SGIP1: variants seen among roughly 807,000 people sequenced by gnomAD.
SGIP1 encodes the protein SH3GL interacting endocytic adaptor 1.
In SGIP1, 38 loss-of-function variants were observed where a neutral mutation model predicts 107.5. The observed-to-expected ratio is 0.35, with a 90% CI of 0.27 to 0.46. The LOEUF is 0.46. Among genes scored for constraint, SGIP1 ranks in the 20% least tolerant of loss-of-function variants. The probability of loss-of-function intolerance (pLI) is 1.00; values close to 1 mark genes in which losing one functional copy is unlikely to be tolerated. For missense variants in SGIP1, 929 were observed against 1,019.5 expected (o/e 0.91, Z 1.21); for synonymous variants, 365 against 366.1 (o/e 1.00, Z 0.03).
At chr1:66,726,741 G>T (rs1195233285) in intron 19 of SGIP1, among the ~76,000 whole-genome samples, 1 of 152,182 alleles carries the variant, frequency 6.6e-6, no homozygotes, top group Non-Finnish European at 1.5e-5. Context: ...TACATTGTAA[G>T]ACTAAAATAG....
At chr1:66,694,385 G>T in intron 17 of SGIP1, 3 of 1,496,686 alleles carry the variant, frequency 2.0e-6, no homozygotes, top group South Asian at 1.2e-5. Flanking sequence ...ATTTCATTTG[G>T]GATTTGTATT....
chr1:66,713,632 T>C (rs138855008), intron 18 of SGIP1, among the ~76,000 whole-genome samples: 24 of 152,234 alleles, frequency 1.6e-4, no homozygotes, highest in Admixed American at 8.5e-4. Context: ...GTTAATATTA[T>C]AATCCCCTTT....
rs527949565 is a variant in SGIP1 at position 66,749,648 on chromosome 1, T to C, written c.*6553T>C. ...ATCCAGAGTTTGTGAATCAGCCTGATAGATCATAAGCCATTTATAATTTTT... is the reference window on the plus strand; with the variant it reads ...ATCCAGAGTTTGTGAATCAGCCTGACAGATCATAAGCCATTTATAATTTTT... On this transcript the variant is annotated 3_prime_UTR_variant, in exon 25 of 25. Coordinates refer to ENST00000371037, the MANE Select transcript of SGIP1 (RefSeq NM_032291.4). Among the ~76,000 whole-genome samples the C allele has an allele frequency of 1.3e-3, 191 of 152,222 alleles. 1 individual carries two copies. The highest frequency in any genetic ancestry group is 4.5e-3 in the African/African-American group (188 of 41,570).
chr1:66,601,312 C>A (rs1192017257), intron 1 of SGIP1, among the ~76,000 whole-genome samples: 2 of 152,096 alleles, frequency 1.3e-5, no homozygotes, highest in African/African-American at 2.4e-5. Context: ...TTGCAGTGAG[C>A]CGAGATCGCG....
At chr1:66,684,221 GTGT>G in intron 15 of SGIP1, 1 of 1,550,330 alleles carries the variant, frequency 6.5e-7, no homozygotes, top group South Asian at 1.2e-5. Context: ...TTGTTAACCA[GTGT>G]GCTCTCCAGG....
At chr1:66,659,045 C>T (rs955539867) in intron 7 of SGIP1, among the ~76,000 whole-genome samples, 8 of 151,950 alleles carry the variant, frequency 5.3e-5, no homozygotes, top group African/African-American at 1.9e-4. Context: ...CAACGGAGGA[C>T]GATGAGGATG....
At chr1:66,624,209 C>A (rs923063185) in intron 1 of SGIP1, among the ~76,000 whole-genome samples, 1 of 151,952 alleles carries the variant, frequency 6.6e-6, no homozygotes, top group African/African-American at 2.4e-5. Flanking sequence ...CAAAGAGAAG[C>A]CAATTAGGAG....
intron 2 of SGIP1, 193 bp downstream of exon 2, chr1:66,626,103 A>G (rs926890514): frequency 3.2e-6 from 1 of 316,658 alleles, no homozygotes; most frequent in Non-Finnish European, 5.6e-6. Context: ...ATTTTTCATC[A>G]TGTGTTCAGT....
intron 1 of SGIP1, among the ~76,000 whole-genome samples, chr1:66,606,278 A>C (rs934545300): frequency 6.6e-6 from 1 of 152,244 alleles, no homozygotes; most frequent in Admixed American, 6.5e-5. Flanking sequence ...AGGATTAAAC[A>C]AGACAAGGTA....
At chr1:66,578,574 A>G (rs552886288) in intron 1 of SGIP1, among the ~76,000 whole-genome samples, 4 of 152,328 alleles carry the variant, frequency 2.6e-5, no homozygotes, top group African/African-American at 7.2e-5. Context: ...CAAAGACATT[A>G]ACTGACTTAC....
At chr1:66,585,829 A>C (rs2062526901) in intron 1 of SGIP1, among the ~76,000 whole-genome samples, 1 of 152,068 alleles carries the variant, frequency 6.6e-6, no homozygotes, top group Non-Finnish European at 1.5e-5. Context: ...GTGAATACCA[A>C]GTTCCATGCT....
chr1:66,559,903 A>C (rs973004098), intron 1 of SGIP1, among the ~76,000 whole-genome samples: 4 of 152,062 alleles, frequency 2.6e-5, no homozygotes, highest in African/African-American at 7.2e-5. Context: ...TGTCCCTTTA[A>C]ACAAGTAAAT....
intron 1 of SGIP1, among the ~76,000 whole-genome samples, chr1:66,611,949 C>A (rs4655499): frequency 0.15 from 22,398 of 152,062 alleles, 2,175 homozygotes; most frequent in East Asian, 0.46. Flanking sequence ...ATCTTAGAGT[C>A]AGTATTATTC....
At chr1:66,695,514 C>T in intron 18 of SGIP1, 21 bp downstream of exon 18, 1 of 1,610,118 alleles carries the variant, frequency 6.2e-7, no homozygotes, top group Non-Finnish European at 8.5e-7. Flanking sequence ...CATAGCATAC[C>T]AGATTCTAAT....
intron 1 of SGIP1, among the ~76,000 whole-genome samples, chr1:66,553,143 G>A (rs552131831): frequency 1.3e-5 from 2 of 152,256 alleles, no homozygotes; most frequent in African/African-American, 4.8e-5. Flanking sequence ...AGTCTTCAGC[G>A]GGTAGGCAGA....
At chr1:66,585,695 G>A (rs540518069) in intron 1 of SGIP1, among the ~76,000 whole-genome samples, 1 of 151,952 alleles carries the variant, frequency 6.6e-6, no homozygotes, top group East Asian at 1.9e-4. Context: ...TCGTCGTGTT[G>A]GCGAGGCTGG....
At chr1:66,705,958 A>C (rs1383840827) in intron 18 of SGIP1, among the ~76,000 whole-genome samples, 1 of 152,114 alleles carries the variant, frequency 6.6e-6, no homozygotes, top group Non-Finnish European at 1.5e-5. Flanking sequence ...TGACGGGTGC[A>C]GCAAACCACC....
At chr1:66,673,732 G>A (rs1347502519) in intron 12 of SGIP1, among the ~76,000 whole-genome samples, 5 of 152,136 alleles carry the variant, frequency 3.3e-5, no homozygotes, top group African/African-American at 7.2e-5. Flanking sequence ...TCATACATCC[G>A]TCATTGTCGC....
intron 5 of SGIP1, among the ~76,000 whole-genome samples, chr1:66,642,487 A>G (rs2076968600): frequency 6.6e-6 from 1 of 152,296 alleles, no homozygotes; most frequent in Admixed American, 6.5e-5. Context: ...AATTTCCCTG[A>G]GGACAAATAA....
Sources: allele counts gnomAD v4.1 joint callset (sites outside exome capture counted in the v4.1 genomes callset), GRCh38; gene constraint gnomAD v4.1.1; transcripts MANE v1.5; gene names NCBI Gene and HGNC (gene_info 2026-07-23, HGNC 2026-07-21).